The following NALF1 variants were observed in gnomAD, a reference collection of about 807,000 sequenced individuals.
NALF1 encodes the protein family with sequence similarity 155 member A.
A neutral mutation model predicts 48.4 loss-of-function variants in NALF1; 3 were observed. The observed-to-expected ratio is 0.06, with a 90% CI of 0.03 to 0.16. The LOEUF (loss-of-function observed/expected upper bound fraction) is 0.16, where lower values mean the gene tolerates loss of function less well. Among genes scored for constraint, NALF1 ranks in the 10% least tolerant of loss-of-function variants. The probability of loss-of-function intolerance (pLI) is 1.00; values close to 1 mark genes in which losing one functional copy is unlikely to be tolerated. For synonymous variants in NALF1, 262 were observed against 245.7 expected, an observed-to-expected ratio of 1.07 and a Z score of -0.62; for missense variants, 526 against 571.5, an observed-to-expected ratio of 0.92 and a Z score of 0.81.
chr13:107,407,243 A>G (rs772989094), intron 1 of NALF1, among the ~76,000 whole-genome samples: 3 of 152,234 alleles, frequency 2.0e-5, no homozygotes, highest in Non-Finnish European at 2.9e-5. Context: ...ACAAGTAACA[A>G]AAGCAAAAAT....
At chr13:107,391,262 A>T (rs776977167) in intron 1 of NALF1, among the ~76,000 whole-genome samples, 5 of 152,058 alleles carry the variant, frequency 3.3e-5, no homozygotes, top group Non-Finnish European at 5.9e-5. Context: ...ATCTTGCCCA[A>T]ATTCCTACCT....
intron 1 of NALF1, among the ~76,000 whole-genome samples, chr13:107,667,504 T>A (rs994473767): frequency 6.6e-6 from 1 of 152,100 alleles, no homozygotes; most frequent in Non-Finnish European, 1.5e-5. Flanking sequence ...TGTCACTAAA[T>A]GGTTTAGGCC....
rs112923166 is a variant in NALF1, at chr13:107,766,865, T to C, written c.915+98817A>G. On this transcript the variant is annotated intron_variant, in intron 1 of 2. Transcript: ENST00000375915. ...GCCATCTGACCCACAATAAGAAAGC[T>C]ACAGAAGTAAAACCAATTTTATTCA... 1.1e-4 allele frequency among the ~76,000 whole-genome samples: 17 copies of C among 152,290 alleles called. 1 individual carries two copies. Among genetic ancestry groups the C allele is most frequent in the African/African-American group, 3.4e-4 (14 of 41,574 alleles).
chr13:107,349,136 A>G (rs568936031), intron 1 of NALF1, among the ~76,000 whole-genome samples: 1 of 152,356 alleles, frequency 6.6e-6, no homozygotes, highest in East Asian at 1.9e-4. Flanking sequence ...TCCTGGGGAC[A>G]TTCTCATTAG....
At chr13:107,378,356 T>G (rs1462690959) in intron 1 of NALF1, among the ~76,000 whole-genome samples, 1 of 151,826 alleles carries the variant, frequency 6.6e-6, no homozygotes, top group Non-Finnish European at 1.5e-5. Context: ...GTTATTACAA[T>G]GTAATTGATT....
chr13:107,636,941 A>C (rs1002679959), intron 1 of NALF1, among the ~76,000 whole-genome samples: 2 of 150,736 alleles, frequency 1.3e-5, no homozygotes, highest in Admixed American at 1.3e-4. Flanking sequence ...CATTTTAGTC[A>C]ATAATGAGCC....
At chr13:107,634,205 A>C (rs1879913980) in intron 1 of NALF1, among the ~76,000 whole-genome samples, 1 of 152,042 alleles carries the variant, frequency 6.6e-6, no homozygotes, top group African/African-American at 2.4e-5. Flanking sequence ...AGGGAGGCAA[A>C]GATGGTGGGG....
intron 1 of NALF1, among the ~76,000 whole-genome samples, chr13:107,372,892 T>C (rs1256801853): frequency 2.6e-5 from 4 of 152,204 alleles, no homozygotes; most frequent in Non-Finnish European, 5.9e-5. Context: ...AACTCTCTTT[T>C]TCCTAGTAAT....
At chr13:107,432,614 C>A (rs980436624) in intron 1 of NALF1, among the ~76,000 whole-genome samples, 1 of 152,052 alleles carries the variant, frequency 6.6e-6, no homozygotes, top group African/African-American at 2.4e-5. Flanking sequence ...AGTCAGGTGT[C>A]CACTACACCC....
chr13:107,195,196 G>A (rs151037540), intron 2 of NALF1, among the ~76,000 whole-genome samples: 19 of 152,020 alleles, frequency 1.2e-4, no homozygotes, highest in African/African-American at 4.6e-4. Context: ...TCAAGTGACG[G>A]GTGCAGTAAA....
chr13:107,682,432 C>A (rs764977949), intron 1 of NALF1, among the ~76,000 whole-genome samples: 9 of 152,126 alleles, frequency 5.9e-5, no homozygotes, highest in Non-Finnish European at 8.8e-5. Flanking sequence ...TTCCTCAGCG[C>A]CTAACACAGG....
intron 1 of NALF1, among the ~76,000 whole-genome samples, chr13:107,560,171 T>C (rs961677561): frequency 6.6e-6 from 1 of 152,116 alleles, no homozygotes; most frequent in Non-Finnish European, 1.5e-5. Flanking sequence ...CAAACAGAGA[T>C]AATCGAATTC....
At chr13:107,229,057 G>A (rs139387077) in intron 1 of NALF1, among the ~76,000 whole-genome samples, 1 of 152,122 alleles carries the variant, frequency 6.6e-6, no homozygotes, top group Non-Finnish European at 1.5e-5. Flanking sequence ...AAGCTATGTC[G>A]TCTGAATGTT....
At chr13:107,545,435 C>T (rs533306834) in intron 1 of NALF1, among the ~76,000 whole-genome samples, 8 of 152,144 alleles carry the variant, frequency 5.3e-5, no homozygotes, top group Non-Finnish European at 1.0e-4. Flanking sequence ...TTGTTTTCAG[C>T]CACCTGAATT....
intron 1 of NALF1, among the ~76,000 whole-genome samples, chr13:107,666,675 G>A (rs1880866318): frequency 6.6e-6 from 1 of 151,966 alleles, no homozygotes; most frequent in Admixed American, 6.6e-5. Flanking sequence ...AATTGATGTG[G>A]ATGGCCTGCC....
At chr13:107,745,785 C>A (rs577703336) in intron 1 of NALF1, among the ~76,000 whole-genome samples, 1 of 152,264 alleles carries the variant, frequency 6.6e-6, no homozygotes, top group African/African-American at 2.4e-5. Context: ...GGGACCTCAT[C>A]ATGCTGTTCT....
At chr13:107,633,896 AAC>A (rs1455543476) in intron 1 of NALF1, among the ~76,000 whole-genome samples, 426 of 147,268 alleles carry the variant, frequency 2.9e-3, no homozygotes, top group Middle Eastern at 0.011. Context: ...ATATATATGA[AAC>A]ACATATATAT....
intron 1 of NALF1, among the ~76,000 whole-genome samples, chr13:107,583,315 A>C (rs1455941463): frequency 6.6e-6 from 1 of 152,178 alleles, no homozygotes; most frequent in Non-Finnish European, 1.5e-5. Context: ...GGGTCTAAAT[A>C]AATGTTCAAA....
At chr13:107,864,394 T>C (rs1880654425) in intron 1 of NALF1, among the ~76,000 whole-genome samples, 1 of 152,232 alleles carries the variant, frequency 6.6e-6, no homozygotes, top group African/African-American at 2.4e-5. Context: ...ACTGTGTTCA[T>C]TTAAAATAGG....
Sources: gnomAD v4.1 joint callset for allele counts (sites outside exome capture counted in the v4.1 genomes callset) on GRCh38, gnomAD v4.1.1 for gene constraint, MANE v1.5 for transcripts, NCBI Gene and HGNC (gene_info 2026-07-23, HGNC 2026-07-21) for gene names.